ZNF385B: variants seen among roughly 807,000 people sequenced by gnomAD.
ZNF385B encodes zinc finger protein 533.
A neutral mutation model predicts 39.2 loss-of-function variants in ZNF385B; 23 were observed. That is an observed-to-expected ratio of 0.59 (90% CI 0.42 to 0.83). The LOEUF (loss-of-function observed/expected upper bound fraction) is 0.83. Ranked by LOEUF, ZNF385B falls within the 40% of genes least tolerant of loss-of-function variation. The pLI is 0.00. For synonymous variants in ZNF385B, 205 were observed against 222.6 expected (o/e 0.92, Z 0.70); for missense variants, 552 against 598.9 (o/e 0.92, Z 0.82).
chr2:179,598,763 T>A (rs2106096235), intron 3 of ZNF385B, among the ~76,000 whole-genome samples: 1 of 152,266 alleles, frequency 6.6e-6, no homozygotes, highest in East Asian at 1.9e-4. Context: ...ACTTTTGAAA[T>A]TGTGACATCT....
intron 3 of ZNF385B, among the ~76,000 whole-genome samples, chr2:179,686,930 G>A (rs569169593): frequency 2.7e-5 from 4 of 148,712 alleles, no homozygotes; most frequent in African/African-American, 9.9e-5. Context: ...CAATTCTCTC[G>A]AGGTAACTGA....
At chr2:179,498,076 G>C (rs752713351) in intron 5 of ZNF385B, among the ~76,000 whole-genome samples, 1 of 152,066 alleles carries the variant, frequency 6.6e-6, no homozygotes, top group Non-Finnish European at 1.5e-5. Flanking sequence ...TGTTATTAGA[G>C]CTAAAGAGAG....
intron 4 of ZNF385B, among the ~76,000 whole-genome samples, chr2:179,519,300 A>G (rs1004785060): frequency 3.9e-5 from 6 of 152,252 alleles, no homozygotes; most frequent in African/African-American, 4.8e-5. Context: ...CACAGAAAGT[A>G]TTGACTGAAT....
At chr2:179,657,237 C>G (rs1448138018) in intron 3 of ZNF385B, among the ~76,000 whole-genome samples, 1 of 152,180 alleles carries the variant, frequency 6.6e-6, no homozygotes, top group Non-Finnish European at 1.5e-5. Flanking sequence ...AACAAGAAAA[C>G]TTAGTCATAA....
chr2:179,654,505 T>G (rs1693537268), intron 3 of ZNF385B, among the ~76,000 whole-genome samples: 1 of 152,114 alleles, frequency 6.6e-6, no homozygotes, highest in Non-Finnish European at 1.5e-5. Context: ...TGTATTTTAA[T>G]TCAAAAATTC....
intron 3 of ZNF385B, among the ~76,000 whole-genome samples, chr2:179,736,583 ACAT>A (rs1156406880): frequency 6.6e-6 from 1 of 152,232 alleles, no homozygotes; most frequent in African/African-American, 2.4e-5. Flanking sequence ...AATAACGTTA[ACAT>A]CATTGACTGG....
chr2:179,567,258 C>G (rs1684700175), intron 3 of ZNF385B, among the ~76,000 whole-genome samples: 1 of 152,104 alleles, frequency 6.6e-6, no homozygotes, highest in Non-Finnish European at 1.5e-5. Context: ...TTCTAGTCAT[C>G]TGAATTGCAA....
intron 1 of ZNF385B, among the ~76,000 whole-genome samples, chr2:179,791,141 G>A (rs981742998): frequency 8.5e-5 from 13 of 152,088 alleles, no homozygotes; most frequent in African/African-American, 2.7e-4. Flanking sequence ...ATCTCCTTCC[G>A]TGATCACTTC....
At chr2:179,461,955 G>A (rs1282203678) in intron 6 of ZNF385B, among the ~76,000 whole-genome samples, 1 of 152,004 alleles carries the variant, frequency 6.6e-6, no homozygotes, top group African/African-American at 2.4e-5. Context: ...TAGCAAAGAA[G>A]CCCCAAAACT....
Position 179,676,996 on chromosome 2 carries a change from C to T in ZNF385B, c.298+92507G>A, listed in dbSNP as rs543142947. Among the ~76,000 whole-genome samples the T allele has an allele frequency of 3.3e-5, 5 of 152,274 alleles. No homozygotes were observed. The South Asian group carries it at 1.0e-3, about 32-fold the overall frequency. The stretch of plus-strand genomic sequence containing the variant: ...AAATGCAATGAACACACACACGAAA[C>T]ACCACAAGTGTCAGTAACCGCTTTA... On this transcript the variant is annotated intron_variant, in intron 3 of 9. Coordinates refer to ENST00000410066, the MANE Select transcript of ZNF385B (RefSeq NM_152520.6).
chr2:179,470,498 T>C lies in ZNF385B; in HGVS notation c.715+12774A>G, dbSNP rs143238666. ...GATATGGTTTGGCCCCCCCGGGCTA[T>C]GGTGCAAGAAGCAGGGTCGCTAGGG... On this transcript the variant is annotated intron_variant, in intron 6 of 9. Coordinates refer to ENST00000410066, the MANE Select transcript of ZNF385B (RefSeq NM_152520.6). Among the ~76,000 whole-genome samples the C allele has an allele frequency of 1.7e-4, 26 of 152,254 alleles. 1 individual carries two copies. The East Asian group carries it at 4.8e-3, about 28-fold the overall frequency.
At chr2:179,854,761 G>A (rs1559254214) in intron 1 of ZNF385B, among the ~76,000 whole-genome samples, 1 of 152,106 alleles carries the variant, frequency 6.6e-6, no homozygotes, top group Non-Finnish European at 1.5e-5. Flanking sequence ...CTCTCACAAT[G>A]GGCCTTTTCT....
chr2:179,755,493 C>T (rs1435869040), intron 3 of ZNF385B, among the ~76,000 whole-genome samples: 5 of 152,132 alleles, frequency 3.3e-5, no homozygotes, highest in Non-Finnish European at 7.4e-5. Flanking sequence ...TCCTTGTTAA[C>T]CTTCTGTCTC....
chr2:179,665,800 A>G (rs2106289537), intron 3 of ZNF385B, among the ~76,000 whole-genome samples: 1 of 151,448 alleles, frequency 6.6e-6, no homozygotes, highest in East Asian at 1.9e-4. Context: ...GGGTTAAATT[A>G]GAAGTGCTAT....
At chr2:179,749,373 ACCT>A (rs1702549151) in intron 3 of ZNF385B, among the ~76,000 whole-genome samples, 1 of 151,880 alleles carries the variant, frequency 6.6e-6, no homozygotes, top group Admixed American at 6.6e-5. Context: ...CAGCCCTTCC[ACCT>A]CCTCCAAACT....
intron 6 of ZNF385B, among the ~76,000 whole-genome samples, chr2:179,473,010 C>T (rs1559289803): frequency 1.3e-5 from 2 of 152,284 alleles, no homozygotes; most frequent in South Asian, 4.1e-4. Context: ...ACCAGAGCTT[C>T]CCTCTTGCAT....
chr2:179,499,198 G>T (rs923739975), intron 5 of ZNF385B, among the ~76,000 whole-genome samples: 13 of 151,958 alleles, frequency 8.6e-5, no homozygotes, highest in Admixed American at 7.2e-4. Flanking sequence ...GTAAAGAAAA[G>T]CCTGGGACCC....
chr2:179,574,407 T>A (rs999100422), intron 3 of ZNF385B, among the ~76,000 whole-genome samples: 1 of 152,134 alleles, frequency 6.6e-6, no homozygotes, highest in Non-Finnish European at 1.5e-5. Flanking sequence ...AAGTACAAAG[T>A]CTATGGAAGC....
intron 3 of ZNF385B, among the ~76,000 whole-genome samples, chr2:179,697,003 T>C (rs1698817476): frequency 6.6e-6 from 1 of 152,110 alleles, no homozygotes; most frequent in African/African-American, 2.4e-5. Context: ...CAAAACAACA[T>C]TCCCATTCCC....
Sources: allele counts gnomAD v4.1 joint callset (sites outside exome capture counted in the v4.1 genomes callset), GRCh38; gene constraint gnomAD v4.1.1; transcripts MANE v1.5; gene names NCBI Gene and HGNC (gene_info 2026-07-23, HGNC 2026-07-21).